The following DLG2 variants were observed in gnomAD, a reference collection of about 807,000 sequenced individuals.
The protein encoded by DLG2 is disks large homolog 2.
Under a neutral mutation model 132.5 loss-of-function variants are expected in DLG2, and 45 were observed. That is an observed-to-expected ratio of 0.34 (90% CI 0.27 to 0.44). The LOEUF (loss-of-function observed/expected upper bound fraction) is 0.44, where lower values mean the gene tolerates loss of function less well. Among genes scored for constraint, DLG2 ranks in the 20% least tolerant of loss-of-function variants. DLG2 has a pLI of 1.00. For synonymous variants in DLG2, 424 were observed against 419.6 expected (o/e 1.01, Z -0.13); for missense variants, 1,045 against 1,196.9 (o/e 0.87, Z 1.87).
At chr11:84,190,578 T>C (rs1438943611) in intron 8 of DLG2, among the ~76,000 whole-genome samples, 1 of 152,208 alleles carries the variant, frequency 6.6e-6, no homozygotes. Context: ...AGTTGTACAA[T>C]TTTCAGACAT....
intron 18 of DLG2, among the ~76,000 whole-genome samples, chr11:83,718,192 T>C (rs1476000702): frequency 1.3e-5 from 2 of 151,930 alleles, no homozygotes; most frequent in Non-Finnish European, 2.9e-5. Context: ...CAATTGGGAG[T>C]AGAGACGGCT....
intron 3 of DLG2, among the ~76,000 whole-genome samples, chr11:85,544,027 C>T (rs888569975): frequency 6.6e-6 from 1 of 152,116 alleles, no homozygotes; most frequent in African/African-American, 2.4e-5. Flanking sequence ...GCTTTAGTTG[C>T]CGCTGCTTTT....
chr11:85,408,089 G>T (rs2152975419), intron 3 of DLG2, among the ~76,000 whole-genome samples: 1 of 150,736 alleles, frequency 6.6e-6, no homozygotes, highest in South Asian at 2.1e-4. Flanking sequence ...TTTGTGTTCT[G>T]TATTTTATTT....
At chr11:84,991,347 A>G (rs567281247) in intron 6 of DLG2, among the ~76,000 whole-genome samples, 42 of 152,084 alleles carry the variant, frequency 2.8e-4, no homozygotes, top group Admixed American at 5.2e-4. Context: ...CGTCTCTACA[A>G]ACAATATAAA....
chr11:84,334,791 C>G (rs138805690), intron 7 of DLG2, among the ~76,000 whole-genome samples: 145 of 152,046 alleles, frequency 9.5e-4, no homozygotes, highest in African/African-American at 3.4e-3. Context: ...ACTTTGATAG[C>G]ATGAATAAAA....
chr11:83,595,108 C>T (rs2057341279), intron 19 of DLG2, among the ~76,000 whole-genome samples: 1 of 149,876 alleles, frequency 6.7e-6, no homozygotes, highest in African/African-American at 2.5e-5. Context: ...AAAATCTTTA[C>T]AAGCAATAAA....
intron 3 of DLG2, among the ~76,000 whole-genome samples, chr11:85,565,061 A>T (rs1373656283): frequency 1.3e-5 from 2 of 151,972 alleles, no homozygotes; most frequent in Non-Finnish European, 1.5e-5. Flanking sequence ...TGATTTCTGT[A>T]TATTGATCTT....
intron 6 of DLG2, among the ~76,000 whole-genome samples, chr11:85,049,657 C>T (rs1169809935): frequency 1.3e-5 from 2 of 152,018 alleles, no homozygotes; most frequent in Admixed American, 1.3e-4. Context: ...GCTGCTGATA[C>T]TTTCTCATGG....
intron 6 of DLG2, among the ~76,000 whole-genome samples, chr11:84,627,561 G>A (rs1011832073): frequency 6.6e-6 from 1 of 152,214 alleles, no homozygotes; most frequent in Admixed American, 6.5e-5. Context: ...AGAAGCACAG[G>A]CTGTGGAGAA....
chr11:85,029,464 T>C (rs2060829259), intron 6 of DLG2, among the ~76,000 whole-genome samples: 2 of 152,234 alleles, frequency 1.3e-5, no homozygotes, highest in Non-Finnish European at 2.9e-5. Flanking sequence ...ATAACAGTTG[T>C]CTATTAAAAT....
intron 3 of DLG2, among the ~76,000 whole-genome samples, chr11:85,505,814 C>G (rs1399954863): frequency 1.3e-5 from 2 of 152,148 alleles, no homozygotes; most frequent in African/African-American, 4.8e-5. Context: ...CTCCTTGTAC[C>G]TCTGGTAGAA....
intron 6 of DLG2, among the ~76,000 whole-genome samples, chr11:84,825,150 A>T (rs1452160025): frequency 6.6e-6 from 1 of 151,902 alleles, no homozygotes; most frequent in South Asian, 2.1e-4. Flanking sequence ...AGCTCTGGGC[A>T]CAGTGTGATA....
intron 21 of DLG2, among the ~76,000 whole-genome samples, chr11:83,515,077 G>A (rs1343986090): frequency 1.3e-5 from 2 of 152,110 alleles, no homozygotes; most frequent in South Asian, 4.2e-4. Context: ...TTTTTCTATT[G>A]ATTGGAATAG....
chr11:85,363,469 A>G (rs2084310624), intron 3 of DLG2, among the ~76,000 whole-genome samples: 1 of 152,224 alleles, frequency 6.6e-6, no homozygotes, highest in Non-Finnish European at 1.5e-5. Flanking sequence ...GAAGACATCT[A>G]TGGTTAACTA....
intron 4 of DLG2, among the ~76,000 whole-genome samples, chr11:85,213,754 C>G (rs2082398533): frequency 6.6e-6 from 1 of 152,076 alleles, no homozygotes; most frequent in Non-Finnish European, 1.5e-5. Flanking sequence ...TTAATTAGAA[C>G]CTTTCTATGT....
intron 6 of DLG2, among the ~76,000 whole-genome samples, chr11:84,616,545 C>A (rs1315183063): frequency 6.6e-6 from 1 of 152,010 alleles, no homozygotes; most frequent in Non-Finnish European, 1.5e-5. Context: ...TGAAGCCTCT[C>A]ATAAAATCTC....
At chr11:84,544,215 T>C (rs2099384973) in intron 6 of DLG2, among the ~76,000 whole-genome samples, 1 of 152,146 alleles carries the variant, frequency 6.6e-6, no homozygotes, top group Non-Finnish European at 1.5e-5. Flanking sequence ...ACAGGAGAGG[T>C]AACTGTAATT....
rs368803155 is a variant in DLG2, at chr11:84,145,505, C to T, written c.624+17956G>A. On this transcript the variant is annotated intron_variant, in intron 9 of 27. Coordinates refer to ENST00000376104, the MANE Select transcript of DLG2 (RefSeq NM_001142699.3). ...AGGGTATTATAATCTTATGGGACCA[C>T]TGTTGTATAGGCAGTTTGTCATTGA... Among the ~76,000 whole-genome samples, 11 of 152,230 alleles carry T rather than the reference C, an allele frequency of 7.2e-5. No homozygotes were observed. The East Asian group carries it at 1.9e-3, about 27-fold the overall frequency.
intron 7 of DLG2, among the ~76,000 whole-genome samples, chr11:84,512,126 A>T (rs541578676): frequency 6.6e-6 from 1 of 152,260 alleles, no homozygotes; most frequent in East Asian, 1.9e-4. Flanking sequence ...CTTTTTACAT[A>T]TAAGCAACAG....
Sources: allele counts gnomAD v4.1 joint callset (sites outside exome capture counted in the v4.1 genomes callset), GRCh38; gene constraint gnomAD v4.1.1; transcripts MANE v1.5; gene names NCBI Gene and HGNC (gene_info 2026-07-23, HGNC 2026-07-21).